UBE3A: variants seen among roughly 807,000 people sequenced by gnomAD.
The protein encoded by UBE3A is ubiquitin-protein ligase E3A.
UBE3A carries 6 observed loss-of-function variants against 83.4 expected under a neutral mutation model. That is an observed-to-expected ratio of 0.07 (90% CI 0.04 to 0.14). UBE3A has a LOEUF of 0.14. Ranked by LOEUF, UBE3A falls within the 10% of genes least tolerant of loss-of-function variation. UBE3A has a pLI of 1.00. For missense variants in UBE3A, 456 were observed against 1,036.1 expected (o/e 0.44, Z 7.69); for synonymous variants, 337 against 355.4 (o/e 0.95, Z 0.58).
At chr15:25,391,609 T>C (rs2084408199) in intron 4 of UBE3A, 1 of 152,096 alleles carries the variant, frequency 6.6e-6, no homozygotes, top group African/African-American at 2.4e-5. Context: ...AAAAAGTGCA[T>C]GTGAAATACT....
intron 1 of UBE3A, among the ~76,000 whole-genome samples, chr15:25,428,739 T>G (rs1892158731): frequency 6.6e-6 from 1 of 152,170 alleles, no homozygotes; most frequent in African/African-American, 2.4e-5. Flanking sequence ...TAGTAACTAT[T>G]TTAAAATCTG....
intron 4 of UBE3A, among the ~76,000 whole-genome samples, chr15:25,393,277 G>A (rs938208751): frequency 1.3e-5 from 2 of 152,158 alleles, no homozygotes; most frequent in African/African-American, 4.8e-5. Context: ...TAATGGGTAG[G>A]GTTTCTGGTA....
intron 3 of UBE3A, chr15:25,407,384 A>G (rs2088869987): frequency 1.7e-6 from 1 of 589,364 alleles, no homozygotes; most frequent in Non-Finnish European, 2.2e-6. Context: ...TAAAAATATT[A>G]CTGCAAAAAG....
chr15:25,427,366 G>A (rs975091561), intron 1 of UBE3A, among the ~76,000 whole-genome samples: 1 of 151,906 alleles, frequency 6.6e-6, no homozygotes, highest in Non-Finnish European at 1.5e-5. Context: ...ATAGAAGGAA[G>A]ATGGATAACT....
chr15:25,355,669 C>T (rs551521496), intron 9 of UBE3A, among the ~76,000 whole-genome samples: 1 of 152,152 alleles, frequency 6.6e-6, no homozygotes, highest in Non-Finnish European at 1.5e-5. Flanking sequence ...CTATCTCCTG[C>T]TTCATGTCCT....
chr15:25,408,442 T>A (rs2089217556), intron 3 of UBE3A: 1 of 854,930 alleles, frequency 1.2e-6, no homozygotes, highest in Non-Finnish European at 1.9e-6. Context: ...TGTGTCAGAA[T>A]AACAAGTCAG....
chr15:25,388,804 G>C (rs34050354), intron 4 of UBE3A, among the ~76,000 whole-genome samples: 93,824 of 152,020 alleles, frequency 0.62, 32,689 homozygotes, highest in Non-Finnish European at 0.78. Context: ...AAAGTTAATA[G>C]CTTTCCTGTA....
Position 25,375,592 on chromosome 15 carries a change from T to C in UBE3A, c.234A>G (p.Lys78=). The change falls in exon 5 of 13, where the codon AAA becomes AAG. Residue 78 remains lysine, a synonymous_variant. Transcript: ENST00000648336. ...TCTTGGAGGGATGAGGATCACAGAG[T>C]TTTGCATTAATCTTATAAAGCTCGA... ...KALELYKINA[K]LCDPHPSKKG... is the part of the protein sequence containing the mutation. 1 of 1,614,032 alleles carries C rather than the reference T, an allele frequency of 6.2e-7. No homozygotes were observed. The highest frequency in any genetic ancestry group is 8.5e-7 in the Non-Finnish European group (1 of 1,180,012).
chr15:25,391,119 A>G (rs1234159429), intron 4 of UBE3A, among the ~76,000 whole-genome samples: 10 of 152,338 alleles, frequency 6.6e-5, no homozygotes, highest in Admixed American at 2.0e-4. Context: ...ACAAATGGTT[A>G]AAGAAAATGT....
chr15:25,379,348 C>T (rs959857132), intron 4 of UBE3A, among the ~76,000 whole-genome samples: 1 of 152,086 alleles, frequency 6.6e-6, no homozygotes, highest in Non-Finnish European at 1.5e-5. Flanking sequence ...ATAAGTCATA[C>T]ATCTAATAAG....
intron 1 of UBE3A, among the ~76,000 whole-genome samples, chr15:25,426,566 A>G (rs953722907): frequency 6.6e-6 from 1 of 152,220 alleles, no homozygotes; most frequent in Admixed American, 6.5e-5. Context: ...AATCTGTTAC[A>G]TTCACCTGCC....
rs71127052 is a variant in UBE3A at position 25,398,167 on chromosome 15, CAAAAA to C, written c.62+7289_62+7293del. On this transcript the variant is annotated intron_variant, in intron 4 of 12. Transcript: ENST00000648336. Reference sequence around the variant, plus strand: ...TGGGTGACAAAGCAAGACTCTGTCTCAAAAAAAAAAAAAAAAAAAAAAAACACAAA... The same window carrying C: ...TGGGTGACAAAGCAAGACTCTGTCTCAAAAAAAAAAAAAAAAAAACACAAA... Among the ~76,000 whole-genome samples, 17 of 99,170 alleles carry C rather than the reference CAAAAA, an allele frequency of 1.7e-4. No individual in the cohort carries two copies. The South Asian group carries it at 4.7e-3, about 27-fold the overall frequency. The allele number at this position is 99,170 out of a possible 152,430, so 65.1% of individuals were successfully genotyped here.
rs113263327 is a variant in UBE3A, at chr15:25,381,985, A to G, written c.63-6222T>C. On this transcript the variant is annotated intron_variant, in intron 4 of 12. Transcript: ENST00000648336. ...AAAAAATAAATATGAACAAATCAGT[A>G]TTTTCAGTTGTTTGAAATATAGGTT... 2.1e-3 allele frequency among the ~76,000 whole-genome samples: 319 copies of G among 152,310 alleles called. 3 individuals are homozygous for G. Among genetic ancestry groups the G allele is most frequent in the African/African-American group, 7.3e-3 (302 of 41,578 alleles).
At position 25,370,993 on chromosome 15, in the gene UBE3A, T is replaced by A. The variant is rs1452945833; in HGVS notation, c.1181A>T (p.Asp394Val). 6.2e-7 allele frequency: 1 copy of A among 1,614,006 alleles called. No homozygotes were observed. The highest frequency in any genetic ancestry group is 1.3e-5 in the African/African-American group (1 of 74,916). Residue 394 changes from aspartate to valine, a missense_variant, in exon 6 of 13, where the codon GAT becomes GTT. By Grantham distance (152) the Asp-to-Val change is radical. Coordinates refer to ENST00000648336, the MANE Select transcript of UBE3A (RefSeq NM_130839.5). The surrounding 1 kb of genome is among the most constrained non-coding windows in gnomAD (Gnocchi z 4.2). ...GCTGGACTCAGGGATGGGCTCTTCA[T>A]CATCTTCTTCATTGTGATTTGTGTC... ...EVDTNHNEED[D>V]EEPIPESSEL... is the part of the protein sequence containing the mutation.
chr15:25,375,270 A>C, intron 5 of UBE3A, 195 bp downstream of exon 5: 1 of 633,232 alleles, frequency 1.6e-6, no homozygotes. Context: ...TTGGCATATG[A>C]TCTGCTTCTA....
chr15:25,357,816 A>C (rs1459298567), intron 7 of UBE3A, among the ~76,000 whole-genome samples: 3 of 151,860 alleles, frequency 2.0e-5, no homozygotes, highest in Admixed American at 6.6e-5. Context: ...ACACATGTTA[A>C]TTATGGGCCA....
intron 6 of UBE3A, among the ~76,000 whole-genome samples, chr15:25,365,641 G>A (rs1045466180): frequency 6.6e-6 from 1 of 151,748 alleles, no homozygotes; most frequent in African/African-American, 2.4e-5. Context: ...CCAGCTACTC[G>A]GGAGGCTGAG....
chr15:25,347,988 AAC>A (rs1349832238), intron 11 of UBE3A, among the ~76,000 whole-genome samples: 1 of 152,198 alleles, frequency 6.6e-6, no homozygotes, highest in African/African-American at 2.4e-5. Context: ...CAAATTCAGC[AAC>A]ACAGGATGAA....
At chr15:25,361,263 T>C (rs932483800) in intron 6 of UBE3A, among the ~76,000 whole-genome samples, 1 of 151,934 alleles carries the variant, frequency 6.6e-6, no homozygotes, top group African/African-American at 2.4e-5. Context: ...GTAGCTGGGA[T>C]TACAGGCAGG....
Sources: gnomAD v4.1 joint callset for allele counts (sites outside exome capture counted in the v4.1 genomes callset) on GRCh38, gnomAD v4.1.1 for gene constraint, Gnocchi (gnomAD v3.1) non-coding constraint, MANE v1.5 for transcripts, NCBI Gene and HGNC (gene_info 2026-07-23, HGNC 2026-07-21) for gene names.